Variants in TMEM117 observed in about 807,000 individuals in gnomAD.
The protein encoded by TMEM117 is transmembrane protein 117.
A neutral mutation model predicts 52.4 loss-of-function variants in TMEM117; 27 were observed. The ratio of observed to expected loss-of-function variants is 0.51; its 90% CI spans 0.38 to 0.71. The LOEUF is 0.71. Ranked by LOEUF, TMEM117 falls within the 30% of genes least tolerant of loss-of-function variation. TMEM117 has a pLI of 0.00. For synonymous variants in TMEM117, 215 were observed against 206.3 expected (o/e 1.04, Z -0.36); for missense variants, 556 against 630.5 (o/e 0.88, Z 1.26).
At chr12:44,087,151 C>T (rs906231407) in intron 3 of TMEM117, among the ~76,000 whole-genome samples, 22 of 151,384 alleles carry the variant, frequency 1.5e-4, no homozygotes, top group African/African-American at 5.3e-4. Flanking sequence ...TACTTTTGAT[C>T]TGTGCCACAA....
intron 3 of TMEM117, among the ~76,000 whole-genome samples, chr12:44,020,881 A>G (rs778134218): frequency 1.3e-5 from 2 of 152,208 alleles, no homozygotes; most frequent in African/African-American, 2.4e-5. Context: ...TAAGCAAATA[A>G]CATATACCAT....
At chr12:44,218,470 GA>G (rs1949747835) in intron 5 of TMEM117, among the ~76,000 whole-genome samples, 2 of 152,244 alleles carry the variant, frequency 1.3e-5, no homozygotes, top group South Asian at 4.1e-4. Flanking sequence ...ACTTGGTATA[GA>G]AGGAATGTAC....
intron 2 of TMEM117, among the ~76,000 whole-genome samples, chr12:43,899,403 G>T (rs114651120): frequency 0.04 from 6,064 of 152,184 alleles, 393 homozygotes; most frequent in African/African-American, 0.14. Context: ...TTTAGTATGT[G>T]GTTGGGGGTT....
intron 3 of TMEM117, 121 bp downstream of exon 3, chr12:43,944,463 A>G (rs555690508): frequency 2.9e-4 from 274 of 948,356 alleles, no homozygotes; most frequent in Non-Finnish European, 3.9e-4. Flanking sequence ...CCTAAGAAGA[A>G]GGAGTATTTT....
chr12:44,230,495 G>T (rs1949918181), intron 5 of TMEM117, among the ~76,000 whole-genome samples: 2 of 151,792 alleles, frequency 1.3e-5, no homozygotes, highest in Non-Finnish European at 2.9e-5. Flanking sequence ...TATCCTCCCT[G>T]CCATTTCCTT....
chr12:43,877,220 C>T (rs533170802), intron 2 of TMEM117, among the ~76,000 whole-genome samples: 14 of 152,208 alleles, frequency 9.2e-5, no homozygotes, highest in African/African-American at 3.4e-4. Flanking sequence ...ACATTTTTCA[C>T]TTGGTATATA....
intron 3 of TMEM117, among the ~76,000 whole-genome samples, chr12:44,132,150 G>C (rs1948423759): frequency 6.8e-6 from 1 of 147,846 alleles, no homozygotes; most frequent in African/African-American, 2.5e-5. Context: ...ACCCTCAATT[G>C]TTAATAAGCC....
In TMEM117 at chr12:44,342,151, A is replaced by T. The variant is rs530188752; in HGVS notation, c.769-34444A>T. 2.0e-5 allele frequency among the ~76,000 whole-genome samples: 3 copies of T among 152,282 alleles called. No homozygotes were observed. The East Asian group carries it at 5.8e-4, about 30-fold the overall frequency. On this transcript the variant is annotated intron_variant, in intron 6 of 7. Transcript: ENST00000266534. ...AGCTTCTCAGGAACAATTCCAGTGT[A>T]CTGGCGTTTGAAAGCAGAGCTACAG... is the stretch of plus-strand genomic sequence containing the variant.
At chr12:44,028,800 G>A (rs1386227307) in intron 3 of TMEM117, among the ~76,000 whole-genome samples, 5 of 152,212 alleles carry the variant, frequency 3.3e-5, no homozygotes, top group Middle Eastern at 3.4e-3. Context: ...CCTTCACTTC[G>A]CACTGTGGAC....
At position 44,376,751 on chromosome 12, in the gene TMEM117, G is replaced by T. The variant is rs761747361; in HGVS notation, c.898+27G>T. 23 of 1,572,014 alleles carry T rather than the reference G, an allele frequency of 1.5e-5. No individual in the cohort carries two copies. In the East Asian group the frequency reaches 2.7e-4, roughly 19 times the overall value. On this transcript the variant is annotated intron_variant, in intron 7 of 7. Coordinates refer to ENST00000266534, the MANE Select transcript of TMEM117 (RefSeq NM_032256.3). Reference sequence around the variant, plus strand: ...TGTGTTATATCTTTGAACACAATTTGATTATCTTCGTACATTAGTTAGGGT... The same window carrying T: ...TGTGTTATATCTTTGAACACAATTTTATTATCTTCGTACATTAGTTAGGGT...
the TMEM117 span, chr12:43,806,346 A>T: frequency 7.9e-7 from 1 of 1,268,880 alleles, no homozygotes; most frequent in Non-Finnish European, 9.9e-7. Context: ...CCGGCGCGTC[A>T]TCCGCCCGCG....
chr12:43,865,042 G>T lies in TMEM117; in HGVS notation c.277+20114G>T, dbSNP rs111250322. On this transcript the variant is annotated intron_variant, in intron 2 of 7. Transcript: ENST00000266534. The stretch of plus-strand genomic sequence containing the variant: ...TTCACTCCTGAGGCAGCGAGACTAC[G>T]AACCCACCAGAAGGAAAAAGCTCCG... Among the ~76,000 whole-genome samples, 454 of 152,112 alleles carry T rather than the reference G, an allele frequency of 3.0e-3. 4 individuals carry two copies. The highest frequency in any genetic ancestry group is 0.01 in the African/African-American group (434 of 41,504).
intron 3 of TMEM117, among the ~76,000 whole-genome samples, chr12:44,104,876 A>AT (rs1947925713): frequency 6.6e-6 from 1 of 151,706 alleles, no homozygotes; most frequent in Non-Finnish European, 1.5e-5. Context: ...TAGGTAAGGT[A>AT]TTTTTTTCCC....
intron 5 of TMEM117, among the ~76,000 whole-genome samples, chr12:44,298,025 G>A (rs543130430): frequency 9.8e-4 from 149 of 151,934 alleles, no homozygotes; most frequent in Admixed American, 9.6e-3. Context: ...AAAATAATGA[G>A]GTTTAATAGG....
At chr12:43,861,648 A>G (rs890052564) in intron 2 of TMEM117, among the ~76,000 whole-genome samples, 2 of 152,232 alleles carry the variant, frequency 1.3e-5, no homozygotes, top group African/African-American at 4.8e-5. Context: ...CTTTAGATAC[A>G]ATACTTTGAG....
At chr12:44,074,396 C>T (rs2137992129) in intron 3 of TMEM117, among the ~76,000 whole-genome samples, 1 of 152,036 alleles carries the variant, frequency 6.6e-6, no homozygotes, top group South Asian at 2.1e-4. Flanking sequence ...TAGTTAATAC[C>T]AGAAACAAAT....
intron 3 of TMEM117, among the ~76,000 whole-genome samples, chr12:44,031,336 G>C (rs558871474): frequency 2.3e-4 from 35 of 152,044 alleles, no homozygotes; most frequent in Non-Finnish European, 4.3e-4. Context: ...TTTTTGACTG[G>C]GGCTGTCCTA....
At chr12:44,101,081 G>A (rs1947852764) in intron 3 of TMEM117, among the ~76,000 whole-genome samples, 1 of 151,842 alleles carries the variant, frequency 6.6e-6, no homozygotes, top group African/African-American at 2.4e-5. Flanking sequence ...AAAAGGAAAA[G>A]GCAGCTCTCT....
chr12:44,107,347 A>C (rs979173459), intron 3 of TMEM117, among the ~76,000 whole-genome samples: 2 of 152,138 alleles, frequency 1.3e-5, no homozygotes, highest in Non-Finnish European at 2.9e-5. Context: ...CTTTTAAGAA[A>C]CATTTATTTG....
Sources: allele counts gnomAD v4.1 joint callset (sites outside exome capture counted in the v4.1 genomes callset), GRCh38; gene constraint gnomAD v4.1.1; transcripts MANE v1.5; gene names NCBI Gene and HGNC (gene_info 2026-07-23, HGNC 2026-07-21).